The following ZNF516 variants were observed in gnomAD, a reference collection of about 807,000 sequenced individuals.
The protein encoded by ZNF516 is zinc finger protein 516.
ZNF516 carries 19 observed loss-of-function variants against 79.7 expected under a neutral mutation model. The observed-to-expected ratio is 0.24, with a 90% CI of 0.17 to 0.35. The LOEUF (loss-of-function observed/expected upper bound fraction) is 0.35, where lower values mean the gene tolerates loss of function less well. ZNF516 is among the 10% of genes least tolerant of loss of function. The pLI is 1.00. For synonymous variants in ZNF516, 877 were observed against 739.5 expected, an observed-to-expected ratio of 1.19 and a Z score of -3.02; for missense variants, 1,678 against 1,679.5, an observed-to-expected ratio of 1.00 and a Z score of 0.02.
At position 76,419,823 on chromosome 18, in the gene ZNF516, T is replaced by A. The variant is rs972174396; in HGVS notation, c.1810+21422A>T. 3.3e-5 allele frequency among the ~76,000 whole-genome samples: 5 copies of A among 152,362 alleles called. 1 individual carries two copies. The highest frequency in any genetic ancestry group is 3.3e-4 in the Admixed American group (5 of 15,312). ...TTACCCAATCTCAGGTATGTCTTTA[T>A]TAGCAGCATGAGAAGAGACTAATAC... On this transcript the variant is annotated intron_variant, in intron 3 of 6. Coordinates refer to ENST00000443185, the MANE Select transcript of ZNF516 (RefSeq NM_014643.4).
At chr18:76,485,148 A>G (rs1327556450) in intron 1 of ZNF516, among the ~76,000 whole-genome samples, 1 of 152,224 alleles carries the variant, frequency 6.6e-6, no homozygotes, top group Non-Finnish European at 1.5e-5. Context: ...CTACTTGAGC[A>G]CCTGGGGTTG....
intron 3 of ZNF516, among the ~76,000 whole-genome samples, chr18:76,390,819 A>G (rs1360860489): frequency 2.0e-5 from 3 of 152,214 alleles, no homozygotes; most frequent in African/African-American, 7.2e-5. Context: ...GCCTGGAACC[A>G]TGCCAGGAAC....
chr18:76,437,067 A>ACACACACACACACACACAC (rs1555710304), intron 3 of ZNF516, among the ~76,000 whole-genome samples: 1 of 135,892 alleles, frequency 7.4e-6, no homozygotes, highest in African/African-American at 2.9e-5. Flanking sequence ...ACCTGTCTAA[A>ACACACACACACACACACAC]ACACACACAC....
At chr18:76,492,195 T>G (rs1388909296) in intron 1 of ZNF516, 1 of 985,272 alleles carries the variant, frequency 1.0e-6, no homozygotes, top group Admixed American at 6.1e-5. Context: ...AACCCCGCGG[T>G]GCTCCCGGAA....
At chr18:76,401,624 T>C (rs1468399123) in intron 3 of ZNF516, among the ~76,000 whole-genome samples, 2 of 151,436 alleles carry the variant, frequency 1.3e-5, no homozygotes, top group East Asian at 3.9e-4. Context: ...GGCCCCTATG[T>C]GGCCCCTGGA....
chr18:76,372,178 GA>G (rs925798113), intron 4 of ZNF516, among the ~76,000 whole-genome samples: 2 of 152,264 alleles, frequency 1.3e-5, no homozygotes, highest in African/African-American at 4.8e-5. Flanking sequence ...GGCAAGGGGG[GA>G]AGTCCCCAAG....
At position 76,357,913 on chromosome 18, in the gene ZNF516, A is replaced by G. The variant is rs1030195632; in HGVS notation, c.*4585T>C. On this transcript the variant is annotated 3_prime_UTR_variant, in exon 7 of 7. Transcript: ENST00000443185. ...TGGGTGTATTCAGTGGGGAAATAAC[A>G]TGTGTGCTGTGAAAGAAAATGAGAA... is the stretch of plus-strand genomic sequence containing the variant. Among the ~76,000 whole-genome samples, 1 of 151,598 alleles carries G rather than the reference A, an allele frequency of 6.6e-6. No individual in the cohort carries two copies. The highest frequency in any genetic ancestry group is 1.5e-5 in the Non-Finnish European group (1 of 67,950).
At chr18:76,436,184 T>C (rs1414321116) in intron 3 of ZNF516, among the ~76,000 whole-genome samples, 1 of 152,240 alleles carries the variant, frequency 6.6e-6, no homozygotes, top group Non-Finnish European at 1.5e-5. Flanking sequence ...TTACCCATTC[T>C]GCAAGCTCCT....
intron 3 of ZNF516, among the ~76,000 whole-genome samples, chr18:76,398,559 C>T (rs1274752519): frequency 6.6e-6 from 1 of 152,032 alleles, no homozygotes; most frequent in Non-Finnish European, 1.5e-5. Context: ...AATAAGGAAG[C>T]TTAGAGTAAG....
chr18:76,383,955 A>G (rs1246521682), intron 3 of ZNF516, among the ~76,000 whole-genome samples: 2 of 152,208 alleles, frequency 1.3e-5, no homozygotes, highest in East Asian at 3.9e-4. Flanking sequence ...GTGCTGCCAC[A>G]TGACACAGCC....
At chr18:76,480,524 C>CAT (rs1555720224) in intron 1 of ZNF516, among the ~76,000 whole-genome samples, 3,753 of 116,372 alleles carry the variant, frequency 0.032, 249 homozygotes, top group African/African-American at 0.071. Flanking sequence ...CACACACACA[C>CAT]ATATATTTTT....
intron 2 of ZNF516, among the ~76,000 whole-genome samples, chr18:76,454,309 G>C (rs997447793): frequency 6.6e-6 from 1 of 152,164 alleles, no homozygotes; most frequent in South Asian, 2.1e-4. Flanking sequence ...AAACAGATAC[G>C]CTGAAACTAA....
At position 76,358,131 on chromosome 18, in the gene ZNF516, G is replaced by A. The variant is rs2074481705; in HGVS notation, c.*4367C>T. The stretch of plus-strand genomic sequence containing the variant: ...CAAAAATAAATAACCACAGACCAAA[G>A]CGGGCTGTCAAACGATTTACGCCAC... On this transcript the variant is annotated 3_prime_UTR_variant, in exon 7 of 7. Coordinates refer to ENST00000443185, the MANE Select transcript of ZNF516 (RefSeq NM_014643.4). The A allele has an allele frequency of 6.6e-6, 1 of 152,182 alleles. No homozygotes were observed. The highest frequency in any genetic ancestry group is 2.4e-5 in the African/African-American group (1 of 41,446). The allele number at this position is 152,182 out of a possible 1,614,324, so 9.4% of individuals were successfully genotyped here.
chr18:76,429,532 C>T (rs1168136001), intron 3 of ZNF516, among the ~76,000 whole-genome samples: 5 of 152,042 alleles, frequency 3.3e-5, no homozygotes, highest in South Asian at 2.1e-4. Context: ...TGAAGGAAGA[C>T]GATGACCAAG....
At chr18:76,490,153 C>T in intron 1 of ZNF516, 3 of 985,298 alleles carry the variant, frequency 3.0e-6, no homozygotes, top group Non-Finnish European at 2.4e-6. Context: ...GAATTCAGTT[C>T]ATCCCAGAGC....
chr18:76,390,770 G>A (rs867241273), intron 3 of ZNF516, among the ~76,000 whole-genome samples: 6 of 152,136 alleles, frequency 3.9e-5, no homozygotes, highest in South Asian at 2.1e-4. Flanking sequence ...ACCGAGCGGC[G>A]GTGTGATAAA....
rs530180583 is a variant in ZNF516 at position 76,455,954 on chromosome 18, C to T, written c.-158+7074G>A. ...TTCTTTAATAAACACAATTGACAGC[C>T]AGAGAGACCATTGTTACCTCCCTGT... On this transcript the variant is annotated intron_variant, in intron 2 of 6. Coordinates refer to ENST00000443185, the MANE Select transcript of ZNF516 (RefSeq NM_014643.4). Among the ~76,000 whole-genome samples the T allele has an allele frequency of 5.9e-5, 9 of 152,260 alleles. No individual in the cohort carries two copies. The South Asian group carries it at 1.9e-3, about 32-fold the overall frequency.
rs2145622425 is a variant in ZNF516, at chr18:76,453,106, A to C, written c.-157-9895T>G. ...AGTAGTTGCTTTGCCAATCACTAAA[A>C]AAGTAAACTTCACAGAACTAAAAAA... On this transcript the variant is annotated intron_variant, in intron 2 of 6. Transcript: ENST00000443185. 2.0e-5 allele frequency among the ~76,000 whole-genome samples: 3 copies of C among 152,348 alleles called. 1 individual carries two copies. The highest frequency in any genetic ancestry group is 3.4e-3 in the Middle Eastern group (1 of 294).
chr18:76,486,872 C>T (rs1189103706), intron 1 of ZNF516, among the ~76,000 whole-genome samples: 1 of 151,944 alleles, frequency 6.6e-6, no homozygotes, highest in Non-Finnish European at 1.5e-5. Flanking sequence ...GACCAAGGTT[C>T]GGGGGGAAGG....
Sources: gnomAD v4.1 joint callset for allele counts (sites outside exome capture counted in the v4.1 genomes callset) on GRCh38, gnomAD v4.1.1 for gene constraint, MANE v1.5 for transcripts, NCBI Gene and HGNC (gene_info 2026-07-23, HGNC 2026-07-21) for gene names.